The following ABCB5 variants were observed in gnomAD, a reference collection of about 807,000 sequenced individuals.
ABCB5 encodes ATP-binding cassette sub-family B member 5.
In ABCB5, 155 loss-of-function variants were observed where a neutral mutation model predicts 144.2. The observed-to-expected ratio is 1.08, with a 90% CI of 0.94 to 1.23. The LOEUF (loss-of-function observed/expected upper bound fraction) is 1.23. ABCB5 is among the 50% of genes most tolerant of loss of function. ABCB5 has a pLI of 0.00. For missense variants in ABCB5, 1,830 were observed against 1,520.8 expected, an observed-to-expected ratio of 1.20 and a Z score of -3.38; for synonymous variants, 610 against 528.6, an observed-to-expected ratio of 1.15 and a Z score of -2.11.
chr7:20,666,540 AC>A (rs929948163), intron 14 of ABCB5, among the ~76,000 whole-genome samples: 8 of 151,986 alleles, frequency 5.3e-5, no homozygotes, highest in Non-Finnish European at 1.2e-4. Flanking sequence ...GTTTTAAAGC[AC>A]CCTCTTTTTC....
chr7:20,653,327 C>G (rs1003263882), intron 13 of ABCB5, among the ~76,000 whole-genome samples: 14 of 151,990 alleles, frequency 9.2e-5, no homozygotes, highest in African/African-American at 3.1e-4. Context: ...CCATAGCTAA[C>G]CAGAAAAATG....
At chr7:20,662,245 A>G (rs914004977) in intron 14 of ABCB5, among the ~76,000 whole-genome samples, 1 of 152,260 alleles carries the variant, frequency 6.6e-6, no homozygotes, top group African/African-American at 2.4e-5. Flanking sequence ...TTGAAAACAC[A>G]GGGTTGCTTT....
rs184381806 is a variant in ABCB5 at position 20,654,892 on chromosome 7, C to T, written c.1536+3269C>T. On this transcript the variant is annotated intron_variant, in intron 13 of 27. Transcript: ENST00000404938. ...GAAAAGAAAAAAGATCTACAGTCTG[C>T]AAACCTAATTTTCACCTACAGAAAC... is the stretch of plus-strand genomic sequence containing the variant. 7.2e-5 allele frequency among the ~76,000 whole-genome samples: 11 copies of T among 152,004 alleles called. No individual in the cohort carries two copies. In the East Asian group the frequency reaches 1.9e-3, roughly 27 times the overall value.
At position 20,651,478 on chromosome 7, in the gene ABCB5, T is replaced by C. The variant is rs1282383927; in HGVS notation, c.1391T>C (p.Ile464Thr). Residue 464 changes from isoleucine (I) to threonine (T), a missense_variant, in exon 13 of 28, where the codon ATT becomes ACT. Ile to Thr is a moderately conservative substitution (Grantham distance 89). Transcript: ENST00000404938. ...AATGTGCGGCATTATCGAGACCATA[T>C]TGGAGTGGTTAGTCAAGAGCCTGTT... ...ALNVRHYRDH[I>T]GVVSQEPVLF... 2.5e-6 allele frequency: 4 copies of C among 1,613,900 alleles called. No homozygotes were observed. Among genetic ancestry groups the C allele is most frequent in the Admixed American group, 3.3e-5 (2 of 59,970 alleles).
At chr7:20,663,508 T>G (rs986571512) in intron 14 of ABCB5, among the ~76,000 whole-genome samples, 3 of 152,266 alleles carry the variant, frequency 2.0e-5, no homozygotes, top group African/African-American at 7.2e-5. Flanking sequence ...TATTGCTTAA[T>G]TCTGCTCACA....
chr7:20,659,143 A>C (rs1583403181), intron 14 of ABCB5: 2 of 1,613,902 alleles, frequency 1.2e-6, no homozygotes, highest in East Asian at 2.2e-5. Flanking sequence ...GCCCTTCGAC[A>C]GCTCTGGCCC....
rs566752205 is a variant in ABCB5 at position 20,744,739 on chromosome 7, G to A, written c.3223-493G>A. 4.0e-5 allele frequency among the ~76,000 whole-genome samples: 6 copies of A among 151,652 alleles called. No individual in the cohort carries two copies. The East Asian group carries it at 7.8e-4, about 20-fold the overall frequency. On this transcript the variant is annotated intron_variant, in intron 25 of 27. Transcript: ENST00000404938. The stretch of plus-strand genomic sequence containing the variant: ...TAACAAACCTGTACGTTGTGCACAT[G>A]TACCCTAAAACTTAAAGTATAATAA...
rs371765516 is a variant in ABCB5 at position 20,743,013 on chromosome 7, G to A, written c.3161G>A (p.Cys1054Tyr). 1.0e-4 allele frequency: 169 copies of A among 1,614,078 alleles called. No individual in the cohort carries two copies. Among genetic ancestry groups the A allele is most frequent in the Non-Finnish European group, 1.4e-4 (163 of 1,180,032 alleles). Residue 1054 changes from cysteine (C) to tyrosine (Y), a missense_variant, in exon 25 of 28, where the codon TGT becomes TAT. Physicochemically the swap from Cys to Tyr is radical, Grantham distance 194. Transcript: ENST00000404938. ...KTVAFVGSSG[C>Y]GKSTSVQLLQ... ...GTAGCATTTGTGGGGAGCAGCGGCT[G>A]TGGGAAAAGCACTTCTGTTCAACTT...
At chr7:20,746,414 T>A (rs1782725342) in intron 26 of ABCB5, among the ~76,000 whole-genome samples, 1 of 152,200 alleles carries the variant, frequency 6.6e-6, no homozygotes, top group African/African-American at 2.4e-5. Context: ...ACCTTAACTT[T>A]CAAGCCCTTT....
intron 5 of ABCB5, chr7:20,642,057 C>A (rs1385499098): frequency 2.0e-5 from 3 of 152,242 alleles, no homozygotes; most frequent in Non-Finnish European, 4.4e-5. Flanking sequence ...CTTAACAGAA[C>A]TTCCTGCTTC....
chr7:20,678,363 C>T (rs538008789), intron 14 of ABCB5, among the ~76,000 whole-genome samples: 1 of 152,198 alleles, frequency 6.6e-6, no homozygotes, highest in South Asian at 2.1e-4. Flanking sequence ...AATGAAGAGA[C>T]CTTGTGGAGA....
rs1406657803 is a variant in ABCB5 at position 20,661,534 on chromosome 7, C to CTCTTTTTTTTT, written c.1707+2859_1707+2860insCTTTTTTTTTT. ...TATTCTTTTTTGCTTTCTTTCTTTT[C>CTCTTTTTTTTT]TTTTTCTTTTTTTTTTTTTGAGACC... On this transcript the variant is annotated intron_variant, in intron 14 of 27. Coordinates refer to ENST00000404938, the MANE Select transcript of ABCB5 (RefSeq NM_001163941.2). Among the ~76,000 whole-genome samples, 520 of 132,184 alleles carry CTCTTTTTTTTT rather than the reference C, an allele frequency of 3.9e-3. 7 individuals carry two copies. The highest frequency in any genetic ancestry group is 0.017 in the Admixed American group (227 of 13,424). 86.7% of individuals were successfully genotyped at this position (132,184 alleles called of 152,430 possible).
At chr7:20,684,077 A>T (rs1785914150) in intron 15 of ABCB5, among the ~76,000 whole-genome samples, 1 of 152,220 alleles carries the variant, frequency 6.6e-6, no homozygotes, top group Non-Finnish European at 1.5e-5. Flanking sequence ...TGAGTATTAA[A>T]CAGGCAAAAT....
At chr7:20,731,223 G>A (rs1178175351) in intron 23 of ABCB5, among the ~76,000 whole-genome samples, 3 of 151,754 alleles carry the variant, frequency 2.0e-5, no homozygotes, top group Middle Eastern at 3.4e-3. Flanking sequence ...GCATGGTGGT[G>A]GGCGCCTGTA....
At chr7:20,661,165 C>T (rs768363501) in intron 14 of ABCB5, among the ~76,000 whole-genome samples, 1 of 152,220 alleles carries the variant, frequency 6.6e-6, no homozygotes, top group Non-Finnish European at 1.5e-5. Context: ...CTCCCCACCT[C>T]ACTCTAAGTA....
chr7:20,753,910 G>C (rs1378925446), intron 27 of ABCB5, among the ~76,000 whole-genome samples: 1 of 152,208 alleles, frequency 6.6e-6, no homozygotes, highest in Non-Finnish European at 1.5e-5. Context: ...CAGAGCCTGA[G>C]AGTTATTCTA....
At chr7:20,722,135 T>C (rs1462526647) in intron 20 of ABCB5, among the ~76,000 whole-genome samples, 2 of 152,228 alleles carry the variant, frequency 1.3e-5, no homozygotes, top group African/African-American at 4.8e-5. Context: ...ATAGTAACTA[T>C]GATTCTGTCA....
At chr7:20,693,830 T>A (rs982267060) in intron 16 of ABCB5, among the ~76,000 whole-genome samples, 1 of 151,428 alleles carries the variant, frequency 6.6e-6, no homozygotes, top group African/African-American at 2.4e-5. Flanking sequence ...CACTACAGAT[T>A]CTACATATAT....
Position 20,664,236 on chromosome 7 carries a change from T to A in ABCB5, c.1707+5560T>A, listed in dbSNP as rs190065441. On this transcript the variant is annotated intron_variant, in intron 14 of 27. Transcript: ENST00000404938. ...CACAATTTTAAAAACAAAACACAAC[T>A]AGCCTTTTTTGGAAAACCACACTCA... Among the ~76,000 whole-genome samples the A allele has an allele frequency of 2.0e-5, 3 of 152,290 alleles. No homozygotes were observed. The East Asian group carries it at 5.8e-4, about 29-fold the overall frequency.
Sources: gnomAD v4.1 joint callset for allele counts (sites outside exome capture counted in the v4.1 genomes callset) on GRCh38, gnomAD v4.1.1 for gene constraint, MANE v1.5 for transcripts, NCBI Gene and HGNC (gene_info 2026-07-23, HGNC 2026-07-21) for gene names.